The following TENM2 variants were observed in gnomAD, a reference collection of about 807,000 sequenced individuals.
TENM2 encodes teneurin transmembrane protein 2, also known as teneurin-2.
In TENM2, 52 loss-of-function variants were observed where a neutral mutation model predicts 245.2. The observed-to-expected ratio is 0.21, with a 90% CI of 0.17 to 0.27. The LOEUF is 0.27. Among genes scored for constraint, TENM2 ranks in the 10% least tolerant of loss-of-function variants. TENM2 has a pLI of 1.00. For synonymous variants in TENM2, 1,363 were observed against 1,438.9 expected, an observed-to-expected ratio of 0.95 and a Z score of 1.19; for missense variants, 3,046 against 3,666.8, an observed-to-expected ratio of 0.83 and a Z score of 4.37.
Position 167,424,272 on chromosome 5 carries a change from C to T in TENM2, c.502+48799C>T, listed in dbSNP as rs112168886. Among the ~76,000 whole-genome samples, 17 of 152,202 alleles carry T rather than the reference C, an allele frequency of 1.1e-4. 1 individual carries two copies. Among genetic ancestry groups the T allele is most frequent in the African/African-American group, 4.1e-4 (17 of 41,554 alleles). On this transcript the variant is annotated intron_variant, in intron 2 of 28. Coordinates refer to ENST00000518659, the Ensembl canonical transcript of TENM2. Reference sequence around the variant, plus strand: ...ATAAATCAGTTCCTTTCTGCAGCAGCCCCAGAGTACTTTAAATGAGTTAGA... The same window carrying T: ...ATAAATCAGTTCCTTTCTGCAGCAGTCCCAGAGTACTTTAAATGAGTTAGA...
intron 2 of TENM2, among the ~76,000 whole-genome samples, chr5:167,838,693 C>T (rs1484771211): frequency 6.6e-6 from 1 of 152,166 alleles, no homozygotes; most frequent in Non-Finnish European, 1.5e-5. Flanking sequence ...GCCTACTTTG[C>T]ATACTTTGAT....
chr5:167,813,266 A>G (rs544736345), intron 2 of TENM2, among the ~76,000 whole-genome samples: 1 of 152,210 alleles, frequency 6.6e-6, no homozygotes, highest in Non-Finnish European at 1.5e-5. Flanking sequence ...CCAGCAGTGA[A>G]ATAAAGAAGT....
At chr5:167,077,709 G>A in the TENM2 span, among the ~76,000 whole-genome samples, 1 of 152,136 alleles carries the variant, frequency 6.6e-6, no homozygotes, top group East Asian at 1.9e-4. Context: ...ATTGGGTTGT[G>A]GATTTTGGTT....
At chr5:167,011,667 C>G in the TENM2 span, among the ~76,000 whole-genome samples, 1 of 152,120 alleles carries the variant, frequency 6.6e-6, no homozygotes, top group Non-Finnish European at 1.5e-5. Flanking sequence ...ACCCCTTGTC[C>G]CTGTTAACAA....
intron 24 of TENM2, among the ~76,000 whole-genome samples, chr5:168,226,637 C>T (rs1418890182): frequency 6.6e-6 from 1 of 152,168 alleles, no homozygotes; most frequent in Non-Finnish European, 1.5e-5. Flanking sequence ...ATTTATTCTC[C>T]TGGCTCACCA....
chr5:167,141,726 C>G, the TENM2 span, among the ~76,000 whole-genome samples: 3 of 152,096 alleles, frequency 2.0e-5, no homozygotes, highest in African/African-American at 7.2e-5. Flanking sequence ...TAATAATATA[C>G]TGGGTAGAGC....
rs757700571 is a variant in TENM2 at position 168,248,031 on chromosome 5, G to A, written c.7092G>A (p.Glu2364=). The stretch of plus-strand genomic sequence containing the variant: ...CCATGGAGAGCAGCAGTGGGGAGGA[G>A]TACTATGTTGCCTCTGATAACACAG... The change falls in exon 27 of 29, where the codon GAG becomes GAA. Residue 2364 remains glutamate, a synonymous_variant. Coordinates refer to ENST00000518659, the Ensembl canonical transcript of TENM2. The A allele has an allele frequency of 3.3e-5, 53 of 1,613,872 alleles. 1 individual carries two copies. The Middle Eastern group carries it at 9.9e-4, about 30-fold the overall frequency.
chr5:167,070,949 A>G, the TENM2 span, among the ~76,000 whole-genome samples: 2 of 152,254 alleles, frequency 1.3e-5, no homozygotes, highest in African/African-American at 4.8e-5. Flanking sequence ...TTTACTATAG[A>G]TAATTCTTAA....
At chr5:168,159,846 A>C (rs889716016) in intron 12 of TENM2, among the ~76,000 whole-genome samples, 4 of 152,202 alleles carry the variant, frequency 2.6e-5, no homozygotes, top group Non-Finnish European at 5.9e-5. Context: ...GGGAGGAAGC[A>C]AGAGAGGAAG....
chr5:167,302,402 G>A (rs1755388185), intron 1 of TENM2, among the ~76,000 whole-genome samples: 1 of 149,838 alleles, frequency 6.7e-6, no homozygotes, highest in Non-Finnish European at 1.5e-5. Flanking sequence ...CAAGCCCAGA[G>A]AAAAGAGAGA....
intron 12 of TENM2, among the ~76,000 whole-genome samples, chr5:168,131,846 G>A (rs1754609987): frequency 6.6e-6 from 1 of 152,074 alleles, no homozygotes; most frequent in Admixed American, 6.6e-5. Context: ...CCAGGCCTGT[G>A]GAATCAGCTA....
At chr5:167,061,065 G>A in the TENM2 span, among the ~76,000 whole-genome samples, 2 of 149,170 alleles carry the variant, frequency 1.3e-5, no homozygotes, top group African/African-American at 5.0e-5. Context: ...ACTTCTAGGG[G>A]TGGTGCGTGA....
the TENM2 span, among the ~76,000 whole-genome samples, chr5:167,146,322 G>A: frequency 6.6e-6 from 1 of 152,248 alleles, no homozygotes; most frequent in African/African-American, 2.4e-5. Flanking sequence ...CCGGGTGATC[G>A]CTTGATGCCC....
At chr5:168,110,048 T>C (rs1001271790) in intron 9 of TENM2, among the ~76,000 whole-genome samples, 13 of 151,288 alleles carry the variant, frequency 8.6e-5, no homozygotes, top group African/African-American at 3.2e-4. Context: ...TCTTTTTTTT[T>C]TTTTTTTTTT....
intron 1 of TENM2, among the ~76,000 whole-genome samples, chr5:167,318,934 A>G (rs1224824562): frequency 6.6e-6 from 1 of 152,224 alleles, no homozygotes; most frequent in Admixed American, 6.5e-5. Flanking sequence ...TAGAACGTGA[A>G]GCAATAGGAG....
intron 1 of TENM2, among the ~76,000 whole-genome samples, chr5:167,313,177 A>G (rs1369887174): frequency 2.0e-5 from 3 of 152,008 alleles, no homozygotes; most frequent in Admixed American, 2.0e-4. Context: ...TGCTGGGATT[A>G]CAAGTGCGAG....
At chr5:167,689,075 T>C (rs1017249519) in intron 2 of TENM2, among the ~76,000 whole-genome samples, 1 of 152,194 alleles carries the variant, frequency 6.6e-6, no homozygotes, top group African/African-American at 2.4e-5. Context: ...ATTTTGAGTC[T>C]TCTGAGAAGC....
the TENM2 span, among the ~76,000 whole-genome samples, chr5:167,263,728 T>TAA: frequency 4.8e-5 from 7 of 145,802 alleles, no homozygotes; most frequent in African/African-American, 1.8e-4. Context: ...GGCAAAAAGT[T>TAA]AAAAAAAAAA....
intron 3 of TENM2, among the ~76,000 whole-genome samples, chr5:167,924,901 G>A (rs1777633729): frequency 6.6e-6 from 1 of 152,122 alleles, no homozygotes; most frequent in Non-Finnish European, 1.5e-5. Context: ...AATACTGGCA[G>A]GGATGTAGAG....
Sources: allele counts gnomAD v4.1 joint callset (sites outside exome capture counted in the v4.1 genomes callset), GRCh38; gene constraint gnomAD v4.1.1; transcripts MANE v1.5; gene names NCBI Gene and HGNC (gene_info 2026-07-23, HGNC 2026-07-21).